Variants in LY75 observed in about 807,000 individuals in gnomAD.
The protein encoded by LY75 is lymphocyte antigen 75.
LY75 carries 185 observed loss-of-function variants against 231.7 expected under a neutral mutation model. The ratio of observed to expected loss-of-function variants is 0.80; its 90% CI spans 0.71 to 0.90. The LOEUF (loss-of-function observed/expected upper bound fraction) is 0.90, where lower values mean the gene tolerates loss of function less well. Ranked by LOEUF, LY75 falls within the 40% of genes least tolerant of loss-of-function variation. The probability of loss-of-function intolerance (pLI) is 0.00; values close to 1 mark genes in which losing one functional copy is unlikely to be tolerated. For missense variants in LY75, 1,947 were observed against 2,050.2 expected (o/e 0.95, Z 0.97); for synonymous variants, 668 against 689.0 (o/e 0.97, Z 0.48).
At chr2:159,836,251 G>A (rs1009102437) in intron 25 of LY75, among the ~76,000 whole-genome samples, 47 of 152,154 alleles carry the variant, frequency 3.1e-4, no homozygotes, top group South Asian at 6.2e-4. Flanking sequence ...GGGATAACAT[G>A]TGTAAAGCCC....
chr2:159,879,446 A>G, intron 8 of LY75, 77 bp from the exon 9 acceptor site: 1 of 1,573,320 alleles, frequency 6.4e-7, no homozygotes, highest in South Asian at 1.1e-5. Context: ...CACAAAAACT[A>G]TGACAGAGAC....
chr2:159,818,875 T>G (rs1683202090), intron 29 of LY75, among the ~76,000 whole-genome samples: 1 of 152,170 alleles, frequency 6.6e-6, no homozygotes, highest in African/African-American at 2.4e-5. Flanking sequence ...AGTATGAGGA[T>G]GGGCATACAC....
intron 14 of LY75, among the ~76,000 whole-genome samples, chr2:159,864,595 C>G (rs1009283320): frequency 5.9e-5 from 9 of 152,054 alleles, no homozygotes; most frequent in Non-Finnish European, 1.2e-4. Flanking sequence ...TTCCGTTGGT[C>G]TAAGTGTCTG....
chr2:159,869,150 G>A (rs1054316615), intron 13 of LY75, among the ~76,000 whole-genome samples: 4 of 152,088 alleles, frequency 2.6e-5, no homozygotes, highest in African/African-American at 9.7e-5. Context: ...GACCTGTTGT[G>A]GGGCAGAGTG....
chr2:159,821,084 C>T lies in LY75; in HGVS notation c.3959-1164G>A, dbSNP rs181246548. ...TGAACTCCTGATCTCATAATCCATC[C>T]GCCTTGGCCTCCCAAATTGCTGCGA... On this transcript the variant is annotated intron_variant, in intron 28 of 34. Coordinates refer to ENST00000263636, the MANE Select transcript of LY75 (RefSeq NM_002349.4). 9.1e-4 allele frequency among the ~76,000 whole-genome samples: 138 copies of T among 152,220 alleles called. No individual in the cohort carries two copies. In the Middle Eastern group the frequency reaches 0.044, roughly 49 times the overall value.
At chr2:159,817,783 C>G (rs1683164979) in intron 29 of LY75, among the ~76,000 whole-genome samples, 1 of 152,074 alleles carries the variant, frequency 6.6e-6, no homozygotes, top group South Asian at 2.1e-4. Flanking sequence ...TGCAGTGGCT[C>G]ACGCCTGTAA....
At chr2:159,841,590 T>C (rs962486772) in intron 24 of LY75, among the ~76,000 whole-genome samples, 3 of 152,152 alleles carry the variant, frequency 2.0e-5, no homozygotes, top group African/African-American at 7.2e-5. Context: ...AAAATATGGA[T>C]GATGCCTACT....
chr2:159,860,313 T>C (rs1684667159), intron 15 of LY75, among the ~76,000 whole-genome samples: 1 of 152,224 alleles, frequency 6.6e-6, no homozygotes, highest in Admixed American at 6.5e-5. Context: ...TAGAAATTCC[T>C]TAAAGTGGCA....
At chr2:159,833,892 T>A in intron 27 of LY75, 152 bp downstream of exon 27, 1 of 792,144 alleles carries the variant, frequency 1.3e-6, no homozygotes, top group Non-Finnish European at 1.9e-6. Flanking sequence ...CATGTAAACA[T>A]GTCTTTGCTT....
chr2:159,814,653 CAA>C (rs34311643), intron 31 of LY75, among the ~76,000 whole-genome samples: 5 of 73,744 alleles, frequency 6.8e-5, no homozygotes, highest in Non-Finnish European at 8.4e-5. Flanking sequence ...GAAACCCTGT[CAA>C]AAAAAAAAAA....
intron 28 of LY75, among the ~76,000 whole-genome samples, chr2:159,827,513 C>T (rs937101855): frequency 6.6e-6 from 1 of 152,140 alleles, no homozygotes; most frequent in Non-Finnish European, 1.5e-5. Flanking sequence ...GTTGGTGGGA[C>T]TGTAAATTAG....
In LY75 at chr2:159,864,846, C is replaced by T. The variant is rs78088512; in HGVS notation, c.2192G>A (p.Arg731His). The change falls in exon 14 of 35, where the codon CGT (arginine) becomes CAT (histidine). Residue 731 changes from arginine to histidine, a missense_variant. Physicochemically the swap from Arg to His is conservative, Grantham distance 29. Coordinates refer to ENST00000263636, the MANE Select transcript of LY75 (RefSeq NM_002349.4). ...DLQGSWQWSD[R>H]TPVSTIIMPN... ...AATAACGTTTTAACTTACTGGTGTA[C>T]GATCACTCCATTGCCAGGATCCTTG... The T allele has an allele frequency of 9.9e-3, 15,851 of 1,597,276 alleles. 122 individuals are homozygous for T. The highest frequency in any genetic ancestry group is 0.037 in the Admixed American group (2,118 of 57,426).
At chr2:159,806,890 C>T in intron 34 of LY75, 83 bp downstream of exon 34, 1 of 1,474,962 alleles carries the variant, frequency 6.8e-7, no homozygotes, top group South Asian at 1.4e-5. Context: ...AGACTAAATA[C>T]AGAATTTTGT....
At chr2:159,846,749 AC>A (rs1259812053) in intron 23 of LY75, among the ~76,000 whole-genome samples, 1 of 152,200 alleles carries the variant, frequency 6.6e-6, no homozygotes, top group African/African-American at 2.4e-5. Context: ...TTTGCAATAA[AC>A]ACAAGAAATA....
intron 5 of LY75, 140 bp from the exon 6 acceptor site, chr2:159,885,433 A>G: frequency 9.9e-7 from 1 of 1,005,382 alleles, no homozygotes; most frequent in Non-Finnish European, 1.4e-6. Context: ...ATTGAAACGT[A>G]TAAGCCTCAA....
At chr2:159,857,099 T>C (rs943227892) in intron 16 of LY75, among the ~76,000 whole-genome samples, 2 of 152,194 alleles carry the variant, frequency 1.3e-5, no homozygotes, top group African/African-American at 4.8e-5. Flanking sequence ...CTGGTTTTCC[T>C]TTGTCCCTTT....
Position 159,850,463 on chromosome 2 carries a change from A to C in LY75, c.2888T>G (p.Phe963Cys). 6.2e-7 allele frequency: 1 copy of C among 1,613,398 alleles called. No homozygotes were observed. The change falls in exon 22 of 35, where the codon TTT (phenylalanine) becomes TGT (cysteine). Residue 963 changes from phenylalanine (F) to cysteine (C), a missense_variant. Coordinates refer to ENST00000263636, the MANE Select transcript of LY75 (RefSeq NM_002349.4). ...EQWIPFQNKC[F>C]LKIKPVSLTF... ...GAGAGACACGGGTTTGATCTTTAGA[A>C]AACACTGCAAACAAAGACATATGTG...
Position 159,898,895 on chromosome 2 carries a change from C to T in LY75, c.259G>A (p.Asp87Asn), listed in dbSNP as rs765949228. ...HLHSQKCLGLDITKSVNELRM... is the reference protein window; with the variant it reads ...HLHSQKCLGLNITKSVNELRM... ...AGCTCATTTACCGATTTGGTAATAT[C>T]GAGGCCAAGGCACTTTTGGGAGTGC... Residue 87 changes from aspartate (D) to asparagine (N), a missense_variant, in exon 2 of 35, where the codon GAT becomes AAT. Physicochemically the swap from Asp to Asn is conservative, Grantham distance 23 (BLOSUM62 1). Coordinates refer to ENST00000263636, the MANE Select transcript of LY75 (RefSeq NM_002349.4). 3.5e-5 allele frequency: 56 copies of T among 1,614,072 alleles called. No individual in the cohort carries two copies. The highest frequency in any genetic ancestry group is 1.0e-4 in the Admixed American group (6 of 59,996).
intron 28 of LY75, among the ~76,000 whole-genome samples, chr2:159,825,322 A>G (rs1357379564): frequency 6.6e-6 from 1 of 152,216 alleles, no homozygotes; most frequent in African/African-American, 2.4e-5. Context: ...AGAGAATACT[A>G]TAAACACCTC....
Sources: gnomAD v4.1 joint callset for allele counts (sites outside exome capture counted in the v4.1 genomes callset) on GRCh38, gnomAD v4.1.1 for gene constraint, MANE v1.5 for transcripts, NCBI Gene and HGNC (gene_info 2026-07-23, HGNC 2026-07-21) for gene names.